SLC2A9: variants seen among roughly 807,000 people sequenced by gnomAD.
The protein encoded by SLC2A9 is solute carrier family 2, facilitated glucose transporter member 9.
A neutral mutation model predicts 50.6 loss-of-function variants in SLC2A9; 39 were observed. The observed-to-expected ratio is 0.77, with a 90% CI of 0.60 to 1.01. SLC2A9 has a LOEUF of 1.01. SLC2A9 is among the 50% of genes least tolerant of loss of function. The pLI, the probability that SLC2A9 is intolerant of heterozygous loss-of-function variation, is 0.00. For missense variants in SLC2A9, 686 were observed against 677.6 expected (o/e 1.01, Z -0.14); for synonymous variants, 324 against 276.9 (o/e 1.17, Z -1.69).
At chr4:9,928,698 C>T (rs1218710985) in intron 6 of SLC2A9, among the ~76,000 whole-genome samples, 1 of 152,190 alleles carries the variant, frequency 6.6e-6, no homozygotes, top group Non-Finnish European at 1.5e-5. Context: ...TGCATCACTG[C>T]ACTCCCGCCT....
intron 5 of SLC2A9, among the ~76,000 whole-genome samples, chr4:9,946,665 A>T (rs982341064): frequency 6.6e-6 from 1 of 152,236 alleles, no homozygotes; most frequent in Non-Finnish European, 1.5e-5. Context: ...ATAATGGCTT[A>T]CATTGATCAA....
At chr4:9,833,385 G>C (rs1726505224) in intron 11 of SLC2A9, among the ~76,000 whole-genome samples, 1 of 152,218 alleles carries the variant, frequency 6.6e-6, no homozygotes, top group African/African-American at 2.4e-5. Flanking sequence ...TGGATGGAGA[G>C]GGAAGTTGAG....
chr4:10,013,935 C>A (rs1762189856), intron 2 of SLC2A9, among the ~76,000 whole-genome samples: 1 of 152,152 alleles, frequency 6.6e-6, no homozygotes, highest in African/African-American at 2.4e-5. Context: ...CACACCACCC[C>A]CTGGTGGCAG....
rs368754907 is a variant in SLC2A9, at chr4:9,944,518, T to C, written c.682-2473A>G. On this transcript the variant is annotated intron_variant, in intron 5 of 11. Transcript: ENST00000264784. ...GGTCGCATGGGTGACCATGGTCTTC[T>C]TTCTACCTCTGGAGAAAAGGTGGAT... Among the ~76,000 whole-genome samples the C allele has an allele frequency of 1.6e-3, 239 of 152,356 alleles. 6 individuals carry two copies. The South Asian group carries it at 0.044, about 28-fold the overall frequency.
At chr4:9,834,503 A>T (rs922606952) in intron 11 of SLC2A9, among the ~76,000 whole-genome samples, 21 of 152,198 alleles carry the variant, frequency 1.4e-4, no homozygotes, top group African/African-American at 5.1e-4. Context: ...GACAATGAGG[A>T]TGTTAAATGG....
intron 4 of SLC2A9, among the ~76,000 whole-genome samples, chr4:9,983,475 C>A (rs1276325136): frequency 6.6e-6 from 1 of 152,192 alleles, no homozygotes; most frequent in Non-Finnish European, 1.5e-5. Context: ...GCAGCCCAGG[C>A]CCCCCTGGCC....
intron 10 of SLC2A9, among the ~76,000 whole-genome samples, chr4:9,865,097 C>T (rs1732239581): frequency 1.3e-5 from 2 of 152,244 alleles, no homozygotes; most frequent in African/African-American, 4.8e-5. Context: ...GTCTGAGTCC[C>T]AAGCCTATGC....
At chr4:9,982,817 G>A (rs1756099224) in intron 4 of SLC2A9, among the ~76,000 whole-genome samples, 1 of 152,172 alleles carries the variant, frequency 6.6e-6, no homozygotes, top group Non-Finnish European at 1.5e-5. Flanking sequence ...CTAAGTGCCT[G>A]GAACTACACT....
chr4:10,038,378 G>T (rs959523005), intron 1 of SLC2A9, among the ~76,000 whole-genome samples: 24 of 151,496 alleles, frequency 1.6e-4, no homozygotes, highest in African/African-American at 4.9e-4. Flanking sequence ...ATGGTGGCAG[G>T]CACCTGTAAT....
At chr4:9,869,613 T>C (rs1347289487) in intron 10 of SLC2A9, among the ~76,000 whole-genome samples, 1 of 152,234 alleles carries the variant, frequency 6.6e-6, no homozygotes, top group Non-Finnish European at 1.5e-5. Context: ...CTTGGCAATA[T>C]GTCAATTATT....
At chr4:10,030,730 G>C (rs1229636840) in intron 1 of SLC2A9, among the ~76,000 whole-genome samples, 2 of 152,194 alleles carry the variant, frequency 1.3e-5, no homozygotes, top group African/African-American at 4.8e-5. Flanking sequence ...CTCTAAACTA[G>C]ATGCTAAAAG....
chr4:9,870,907 C>T (rs1466983485), intron 10 of SLC2A9, among the ~76,000 whole-genome samples: 1 of 152,092 alleles, frequency 6.6e-6, no homozygotes, highest in Non-Finnish European at 1.5e-5. Flanking sequence ...TGACCAAGTG[C>T]TTAACTTAGG....
At chr4:10,024,545 T>C (rs1763691860), upstream of SLC2A9, among the ~76,000 whole-genome samples, 1 of 152,158 alleles carries the variant, frequency 6.6e-6, no homozygotes, top group South Asian at 2.1e-4. Flanking sequence ...CTGCTGACAC[T>C]CTGAGCTTGG....
At chr4:9,909,394 T>C (rs1485815088) in intron 7 of SLC2A9, among the ~76,000 whole-genome samples, 2 of 152,210 alleles carry the variant, frequency 1.3e-5, no homozygotes, top group Non-Finnish European at 2.9e-5. Flanking sequence ...ACTTATTTCA[T>C]GTGAGACTGA....
chr4:9,857,489 A>G (rs907641054), intron 10 of SLC2A9, among the ~76,000 whole-genome samples: 13 of 152,088 alleles, frequency 8.5e-5, no homozygotes, highest in Admixed American at 8.5e-4. Context: ...TTCCCTCACC[A>G]TCTCAGGCTG....
intron 4 of SLC2A9, among the ~76,000 whole-genome samples, chr4:9,981,026 C>T (rs937597631): frequency 1.1e-4 from 17 of 150,076 alleles, no homozygotes; most frequent in Admixed American, 2.6e-4. Context: ...TAACGGTGGT[C>T]GTGATGGTAG....
chr4:9,939,464 C>T lies in SLC2A9; in HGVS notation c.814+2449G>A, dbSNP rs550817505. 1.9e-4 allele frequency among the ~76,000 whole-genome samples: 29 copies of T among 152,268 alleles called. No homozygotes were observed. The South Asian group carries it at 5.8e-3, about 31-fold the overall frequency. ...GGAGAAGGGGTATCTCCCACAGTGC[C>T]GAGCATGGTGCTAAGTAATAAAGTG... On this transcript the variant is annotated intron_variant, in intron 6 of 11. Coordinates refer to ENST00000264784, the MANE Select transcript of SLC2A9 (RefSeq NM_020041.3).
intron 6 of SLC2A9, among the ~76,000 whole-genome samples, chr4:9,934,637 T>C (rs188070035): frequency 2.0e-5 from 3 of 152,316 alleles, no homozygotes; most frequent in East Asian, 1.9e-4. Flanking sequence ...GGATTTACCA[T>C]GGGGAATTTT....
At chr4:9,982,938 G>A (rs1281891488) in intron 4 of SLC2A9, among the ~76,000 whole-genome samples, 2 of 152,026 alleles carry the variant, frequency 1.3e-5, no homozygotes, top group African/African-American at 2.4e-5. Flanking sequence ...GGGTGATCTC[G>A]GCTCACCGCA....
Sources: allele counts gnomAD v4.1 joint callset (sites outside exome capture counted in the v4.1 genomes callset), GRCh38; gene constraint gnomAD v4.1.1; transcripts MANE v1.5; gene names NCBI Gene and HGNC (gene_info 2026-07-23, HGNC 2026-07-21).